Variants in MYT1L observed in about 807,000 individuals in gnomAD.
MYT1L encodes myelin transcription factor 1-like protein.
MYT1L carries 12 observed loss-of-function variants against 126.7 expected under a neutral mutation model. The observed-to-expected ratio is 0.09, with a 90% CI of 0.06 to 0.15. MYT1L has a LOEUF of 0.15. Ranked by LOEUF, MYT1L falls within the 10% of genes least tolerant of loss-of-function variation. MYT1L has a pLI of 1.00. For synonymous variants in MYT1L, 541 were observed against 604.2 expected, an observed-to-expected ratio of 0.90 and a Z score of 1.53; for missense variants, 979 against 1,585.2, an observed-to-expected ratio of 0.62 and a Z score of 6.49.
intron 18 of MYT1L, among the ~76,000 whole-genome samples, chr2:1,865,581 CTT>C (rs2045354364): frequency 6.6e-6 from 1 of 152,046 alleles, no homozygotes; most frequent in South Asian, 2.1e-4. Flanking sequence ...GCTCCCCCTC[CTT>C]GTTTTTTTTC....
chr2:1,854,631 A>G (rs1337817984), intron 18 of MYT1L, among the ~76,000 whole-genome samples: 1 of 152,182 alleles, frequency 6.6e-6, no homozygotes, highest in Non-Finnish European at 1.5e-5. Context: ...CTTTCACTGT[A>G]CTGAGGAAGA....
chr2:2,122,607 G>A (rs1575324713), intron 3 of MYT1L, among the ~76,000 whole-genome samples: 2 of 152,170 alleles, frequency 1.3e-5, no homozygotes, highest in African/African-American at 2.4e-5. Flanking sequence ...CAAAATAGAC[G>A]ATTTAAAGCT....
At chr2:2,075,824 C>A (rs959888378) in intron 3 of MYT1L, among the ~76,000 whole-genome samples, 19 of 152,190 alleles carry the variant, frequency 1.2e-4, no homozygotes, top group African/African-American at 4.3e-4. Context: ...CCAAGAGAAA[C>A]TGGAAAGTAC....
At chr2:2,027,408 A>C (rs1285605366) in intron 4 of MYT1L, among the ~76,000 whole-genome samples, 1 of 152,172 alleles carries the variant, frequency 6.6e-6, no homozygotes, top group Non-Finnish European at 1.5e-5. Context: ...AGGTCTCTGA[A>C]AGGGAGATTC....
intron 14 of MYT1L, among the ~76,000 whole-genome samples, chr2:1,899,981 G>C (rs948316565): frequency 2.0e-5 from 3 of 152,194 alleles, no homozygotes; most frequent in African/African-American, 4.8e-5. Context: ...TTTAAGAGAT[G>C]ATTCTCCAAG....
intron 3 of MYT1L, among the ~76,000 whole-genome samples, chr2:2,054,838 G>C (rs2069289861): frequency 6.6e-6 from 1 of 151,746 alleles, no homozygotes; most frequent in Non-Finnish European, 1.5e-5. Flanking sequence ...GAGATGATGA[G>C]AGGTATGGAG....
intron 4 of MYT1L, among the ~76,000 whole-genome samples, chr2:2,028,516 A>T (rs968082666): frequency 6.6e-6 from 1 of 152,214 alleles, no homozygotes; most frequent in Non-Finnish European, 1.5e-5. Context: ...AAGACACTGA[A>T]ATGACAGATT....
chr2:2,283,078 C>CAA (rs2149413563), intron 2 of MYT1L, among the ~76,000 whole-genome samples: 1 of 152,186 alleles, frequency 6.6e-6, no homozygotes, highest in East Asian at 1.9e-4. Flanking sequence ...CCATCCCCCC[C>CAA]AACACAAAAA....
chr2:1,838,960 A>C (rs979824578), intron 21 of MYT1L, among the ~76,000 whole-genome samples, 189 bp downstream of exon 21: 2 of 152,224 alleles, frequency 1.3e-5, no homozygotes, highest in East Asian at 3.8e-4. Flanking sequence ...TCCCTAATGT[A>C]AGTTTAAGAT....
intron 8 of MYT1L, among the ~76,000 whole-genome samples, chr2:1,948,042 T>A (rs2057398915): frequency 6.6e-6 from 1 of 152,254 alleles, no homozygotes; most frequent in Non-Finnish European, 1.5e-5. Flanking sequence ...AAGCGTCGGC[T>A]GTTCCTTTAC....
rs1209314082 is a variant in MYT1L, at chr2:1,840,795, C to G, written c.2823G>C (p.Gln941His). The change falls in exon 20 of 25, where the codon CAG becomes CAC. Residue 941 changes from glutamine to histidine, a missense_variant. By Grantham distance (24) the Gln-to-His change is conservative (BLOSUM62 0). Around this residue, in one of 12 missense-constraint regions of MYT1L, gnomAD observed 179 missense variants for 398.6 expected, o/e 0.45. Transcript: ENST00000647738. ...CTTGATCTTCTTTATCTTCTTTGCT[C>G]TGTGCTATCCTGATACCACTTTTCT... ...RAKKSGIRIA[Q>H]SKEDKEDQEP... The G allele has an allele frequency of 6.4e-7, 1 of 1,551,062 alleles. No homozygotes were observed. Among genetic ancestry groups the G allele is most frequent in the Admixed American group, 2.0e-5 (1 of 50,988 alleles).
At chr2:2,056,368 C>T (rs2069561246) in intron 3 of MYT1L, among the ~76,000 whole-genome samples, 1 of 152,204 alleles carries the variant, frequency 6.6e-6, no homozygotes, top group Admixed American at 6.5e-5. Context: ...ACCTTTGTTC[C>T]AAGATGCATT....
At chr2:1,976,325 C>A (rs907772606) in intron 8 of MYT1L, among the ~76,000 whole-genome samples, 1 of 152,050 alleles carries the variant, frequency 6.6e-6, no homozygotes, top group African/African-American at 2.4e-5. Flanking sequence ...TCATAGTCAG[C>A]AAATCTTTCA....
intron 2 of MYT1L, among the ~76,000 whole-genome samples, chr2:2,192,091 G>A (rs1347547396): frequency 6.6e-6 from 1 of 152,220 alleles, no homozygotes; most frequent in African/African-American, 2.4e-5. Flanking sequence ...TGGGCTGGGA[G>A]CTGGAATATT....
intron 14 of MYT1L, among the ~76,000 whole-genome samples, chr2:1,899,324 C>T (rs891215866): frequency 1.3e-5 from 2 of 152,264 alleles, no homozygotes; most frequent in African/African-American, 4.8e-5. Flanking sequence ...GGCATGGAAA[C>T]AGAATTTCAC....
At chr2:2,291,131 C>T (rs2095593062) in intron 1 of MYT1L, among the ~76,000 whole-genome samples, 1 of 151,664 alleles carries the variant, frequency 6.6e-6, no homozygotes, top group Non-Finnish European at 1.5e-5. Flanking sequence ...ACATTAAATT[C>T]TCCTATGCTG....
intron 4 of MYT1L, among the ~76,000 whole-genome samples, chr2:2,016,154 G>C (rs550682575): frequency 2.0e-5 from 3 of 152,374 alleles, no homozygotes; most frequent in African/African-American, 7.2e-5. Flanking sequence ...CTGTTTGGGT[G>C]CAGGGGACAA....
chr2:2,091,176 C>T (rs1176209955), intron 3 of MYT1L, among the ~76,000 whole-genome samples: 1 of 152,198 alleles, frequency 6.6e-6, no homozygotes, highest in Non-Finnish European at 1.5e-5. Context: ...AAATCACTAT[C>T]CATAGCACTT....
intron 3 of MYT1L, among the ~76,000 whole-genome samples, chr2:2,063,299 T>G (rs1157434752): frequency 6.6e-6 from 1 of 152,218 alleles, no homozygotes; most frequent in Non-Finnish European, 1.5e-5. Context: ...TTTTCTTCTT[T>G]TTTGTTTGTT....
Sources: allele counts gnomAD v4.1 joint callset (sites outside exome capture counted in the v4.1 genomes callset), GRCh38; gene constraint gnomAD v4.1.1; regional missense constraint gnomAD v4.1.1; transcripts MANE v1.5; gene names NCBI Gene and HGNC (gene_info 2026-07-23, HGNC 2026-07-21).